PRKCE: variants seen among roughly 807,000 people sequenced by gnomAD.
PRKCE encodes the protein protein kinase C epsilon.
In PRKCE, 16 loss-of-function variants were observed where a neutral mutation model predicts 85.4. The ratio of observed to expected loss-of-function variants is 0.19; its 90% CI spans 0.13 to 0.28. The LOEUF (loss-of-function observed/expected upper bound fraction) is 0.28, where lower values mean the gene tolerates loss of function less well. Ranked by LOEUF, PRKCE falls within the 10% of genes least tolerant of loss-of-function variation. The pLI is 1.00. For synonymous variants in PRKCE, 388 were observed against 371.5 expected (o/e 1.04, Z -0.51); for missense variants, 573 against 975.2 (o/e 0.59, Z 5.49).
chr2:46,151,323 A>T (rs2104525684), intron 13 of PRKCE, 94 bp downstream of exon 13: 3 of 998,760 alleles, frequency 3.0e-6, no homozygotes, highest in Non-Finnish European at 2.8e-6. Flanking sequence ...ACACACACAC[A>T]CTCCCTTCTC....
chr2:45,993,397 G>A lies in PRKCE; in HGVS notation c.824-8007G>A, dbSNP rs76151732. On this transcript the variant is annotated intron_variant, in intron 6 of 14. Transcript: ENST00000306156. ...ACTTTCAAAGTCACTATCTCACATC[G>A]TGCATGCTAACTGATGTGTGATTGA... 4.8e-3 allele frequency among the ~76,000 whole-genome samples: 731 copies of A among 152,210 alleles called. 5 individuals are homozygous for A. The highest frequency in any genetic ancestry group is 0.016 in the African/African-American group (672 of 41,510).
intron 6 of PRKCE, 28 bp downstream of exon 6, chr2:45,984,708 C>G (rs528914629): frequency 1.3e-6 from 2 of 1,585,190 alleles, no homozygotes; most frequent in South Asian, 2.2e-5. Context: ...CTGCCCTCAG[C>G]CCCTGCATGT....
intron 2 of PRKCE, among the ~76,000 whole-genome samples, chr2:45,863,332 T>C (rs1693321183): frequency 6.6e-6 from 1 of 152,082 alleles, no homozygotes; most frequent in African/African-American, 2.4e-5. Flanking sequence ...AACTCTTTTG[T>C]ACCCTCAAAG....
intron 10 of PRKCE, among the ~76,000 whole-genome samples, chr2:46,014,069 G>T (rs1705916235): frequency 6.6e-6 from 1 of 152,142 alleles, no homozygotes; most frequent in African/African-American, 2.4e-5. Flanking sequence ...CCTACCCTTG[G>T]CTCATGTGCT....
intron 1 of PRKCE, among the ~76,000 whole-genome samples, chr2:45,747,942 A>T (rs535699368): frequency 1.3e-5 from 2 of 151,982 alleles, no homozygotes; most frequent in South Asian, 4.2e-4. Context: ...GCATCTTTTC[A>T]TGTGCTTACT....
chr2:45,799,222 T>C (rs1002586421), intron 1 of PRKCE, among the ~76,000 whole-genome samples: 2 of 152,150 alleles, frequency 1.3e-5, no homozygotes, highest in Admixed American at 6.5e-5. Context: ...TTCTATTATT[T>C]ATTCTTTTCA....
intron 2 of PRKCE, among the ~76,000 whole-genome samples, chr2:45,973,444 C>G (rs1247525781): frequency 5.3e-5 from 8 of 152,222 alleles, no homozygotes; most frequent in Non-Finnish European, 1.2e-4. Context: ...TTCTTTCCCT[C>G]CTGTGACCTT....
intron 1 of PRKCE, among the ~76,000 whole-genome samples, chr2:45,722,043 ACC>A (rs1680670764): frequency 6.6e-6 from 1 of 151,972 alleles, no homozygotes; most frequent in Admixed American, 6.5e-5. Flanking sequence ...TTTGGGGTAC[ACC>A]TATCCATATT....
At chr2:45,863,248 T>C (rs988115415) in intron 2 of PRKCE, among the ~76,000 whole-genome samples, 2 of 152,056 alleles carry the variant, frequency 1.3e-5, no homozygotes, top group African/African-American at 4.8e-5. Context: ...TTCAGGAAAA[T>C]GGAAGGTCTC....
chr2:45,705,917 G>T (rs1679074928), intron 1 of PRKCE, among the ~76,000 whole-genome samples: 1 of 152,170 alleles, frequency 6.6e-6, no homozygotes, highest in Admixed American at 6.5e-5. Context: ...TGTAACCTGG[G>T]TGTGGAGTGG....
At chr2:46,014,001 C>T (rs1275340648) in intron 10 of PRKCE, among the ~76,000 whole-genome samples, 1 of 152,134 alleles carries the variant, frequency 6.6e-6, no homozygotes, top group East Asian at 1.9e-4. Flanking sequence ...TCAGTGCAGC[C>T]CAGTGAAGGG....
chr2:45,808,383 TG>T (rs1218879367), intron 1 of PRKCE, among the ~76,000 whole-genome samples: 1 of 152,238 alleles, frequency 6.6e-6, no homozygotes, highest in Non-Finnish European at 1.5e-5. Context: ...TCATTTTTGA[TG>T]GTACATCATG....
intron 10 of PRKCE, among the ~76,000 whole-genome samples, chr2:46,022,272 G>C (rs1460210922): frequency 6.6e-6 from 1 of 152,218 alleles, no homozygotes; most frequent in African/African-American, 2.4e-5. Context: ...AGGACACAGA[G>C]AGGGGAGTTT....
At chr2:45,948,429 C>A (rs1168493122) in intron 2 of PRKCE, among the ~76,000 whole-genome samples, 1 of 152,118 alleles carries the variant, frequency 6.6e-6, no homozygotes, top group Non-Finnish European at 1.5e-5. Flanking sequence ...CGCTTGAGGG[C>A]AGGAGTTCAA....
At chr2:46,178,265 A>G (rs923228313) in intron 14 of PRKCE, among the ~76,000 whole-genome samples, 7 of 152,264 alleles carry the variant, frequency 4.6e-5, no homozygotes, top group African/African-American at 1.7e-4. Flanking sequence ...TGTCTCAAAA[A>G]AAAATAGAGC....
intron 10 of PRKCE, among the ~76,000 whole-genome samples, chr2:46,038,152 T>G (rs545040868): frequency 5.9e-5 from 9 of 152,140 alleles, no homozygotes; most frequent in Non-Finnish European, 1.2e-4. Flanking sequence ...ATCTTCTTTA[T>G]AAGCCATTTA....
chr2:46,046,731 C>G (rs557843368), intron 10 of PRKCE, among the ~76,000 whole-genome samples: 1 of 152,024 alleles, frequency 6.6e-6, no homozygotes, highest in Admixed American at 6.5e-5. Context: ...TAGCGCTGCC[C>G]TTAGGGTCTA....
At chr2:45,744,034 T>C (rs1558622363) in intron 1 of PRKCE, among the ~76,000 whole-genome samples, 1 of 147,842 alleles carries the variant, frequency 6.8e-6, no homozygotes. Context: ...CTAATAAAAA[T>C]GATGTATGGG....
intron 2 of PRKCE, among the ~76,000 whole-genome samples, chr2:45,919,220 G>A (rs76520104): frequency 1.2e-4 from 19 of 152,360 alleles, no homozygotes; most frequent in East Asian, 9.6e-4. Context: ...GGCTGATGCC[G>A]TACGGACAAC....
Sources: gnomAD v4.1 joint callset for allele counts (sites outside exome capture counted in the v4.1 genomes callset) on GRCh38, gnomAD v4.1.1 for gene constraint, MANE v1.5 for transcripts, NCBI Gene and HGNC (gene_info 2026-07-23, HGNC 2026-07-21) for gene names.